Variants in TRIL observed in about 807,000 individuals in gnomAD.
TRIL encodes TLR4 interactor with leucine rich repeats.
In TRIL, 23 loss-of-function variants were observed where a neutral mutation model predicts 43.0. That is an observed-to-expected ratio of 0.54 (90% CI 0.39 to 0.76). The LOEUF is 0.76. Ranked by LOEUF, TRIL falls within the 30% of genes least tolerant of loss-of-function variation. The probability of loss-of-function intolerance (pLI) is 0.00; values close to 1 mark genes in which losing one functional copy is unlikely to be tolerated. For missense variants in TRIL, 1,114 were observed against 1,139.3 expected, an observed-to-expected ratio of 0.98 and a Z score of 0.32; for synonymous variants, 602 against 556.8, an observed-to-expected ratio of 1.08 and a Z score of -1.14.
rs1408308953 is a variant in TRIL at position 28,954,303 on chromosome 7, T to C, written c.*1308A>G. The C allele has an allele frequency of 6.6e-6, 1 of 152,612 alleles. No individual in the cohort carries two copies. The highest frequency in any genetic ancestry group is 2.4e-5 in the African/African-American group (1 of 41,446). 9.5% of individuals were successfully genotyped at this position (152,612 alleles called of 1,614,324 possible). On this transcript the variant is annotated 3_prime_UTR_variant, in exon 1 of 1. Coordinates refer to ENST00000539664, the MANE Select transcript of TRIL (RefSeq NM_014817.4). The stretch of plus-strand genomic sequence containing the variant: ...AAACATTTAAAAGAAATACTGCAAC[T>C]ATTAACTAAAAGATAAGATTTAATA...
chr7:28,956,881 T>C lies in TRIL; in HGVS notation c.1166A>G (p.Gln389Arg). Residue 389 changes from glutamine to arginine, a missense_variant, in exon 1 of 1, where the codon CAG becomes CGG. Gln to Arg is a conservative substitution (Grantham distance 43). Coordinates refer to ENST00000539664, the MANE Select transcript of TRIL (RefSeq NM_014817.4). ...SQGRLLTVFV[Q>R]CRHPPALRGK... Reference sequence around the variant, plus strand: ...TCGCAGGGCCGGGGGGTGGCGACACTGCACGAAGACAGTGAGGAGCCGGCC... The same window carrying C: ...TCGCAGGGCCGGGGGGTGGCGACACCGCACGAAGACAGTGAGGAGCCGGCC... 1 of 1,609,252 alleles carries C rather than the reference T, an allele frequency of 6.2e-7. No homozygotes were observed. Among genetic ancestry groups the C allele is most frequent in the African/African-American group, 1.3e-5 (1 of 74,952 alleles).
At position 28,957,651 on chromosome 7, in the gene TRIL, C is replaced by G; in HGVS notation, c.396G>C (p.Lys132Asn). The G allele has an allele frequency of 6.2e-7, 1 of 1,609,996 alleles. No individual in the cohort carries two copies. Among genetic ancestry groups the G allele is most frequent in the Non-Finnish European group, 8.5e-7 (1 of 1,178,338 alleles). Reference sequence around the variant, plus strand: ...TCCCGTTGGCGTAGAGGATGCGCAGCTTGCGCAGCGGGGCCAGCGTGCCCG... The same window carrying G: ...TCCCGTTGGCGTAGAGGATGCGCAGGTTGCGCAGCGGGGCCAGCGTGCCCG... ...LAPGTLAPLR[K>N]LRILYANGNE... The change falls in exon 1 of 1, where the codon AAG (lysine) becomes AAC (asparagine). Residue 132 changes from lysine (K) to asparagine (N), a missense_variant. Coordinates refer to ENST00000539664, the MANE Select transcript of TRIL (RefSeq NM_014817.4).
rs1236699915 is a variant in TRIL, at chr7:28,956,716, G to A, written c.1331C>T (p.Ala444Val). ...CGGCGGCAGCTCCTCCGCGAGACCT[G>A]CAGGTGGCGTCATCTCCTCCCCTGC... is the stretch of plus-strand genomic sequence containing the variant. ...TAAGEEMTPPAGLAEELPPQP... is the reference protein window; with the variant it reads ...TAAGEEMTPPVGLAEELPPQP... The change falls in exon 1 of 1, where the codon GCA (alanine) becomes GTA (valine). Residue 444 changes from alanine to valine, a missense_variant. Coordinates refer to ENST00000539664, the MANE Select transcript of TRIL (RefSeq NM_014817.4). 6.2e-7 allele frequency: 1 copy of A among 1,600,392 alleles called. No individual in the cohort carries two copies.
In TRIL at chr7:28,955,496, C is replaced by A; in HGVS notation, c.*115G>T. On this transcript the variant is annotated 3_prime_UTR_variant, in exon 1 of 1. Transcript: ENST00000539664. ...ATGGTGCCCGAATTGGCCCTCTGTCCCCACCGGCCTCTCTGGCAAGTGCAC... is the reference window on the plus strand; with the variant it reads ...ATGGTGCCCGAATTGGCCCTCTGTCACCACCGGCCTCTCTGGCAAGTGCAC... 7.2e-7 allele frequency: 1 copy of A among 1,394,456 alleles called. No individual in the cohort carries two copies. The highest frequency in any genetic ancestry group is 9.4e-7 in the Non-Finnish European group (1 of 1,063,784). 86.4% of individuals were successfully genotyped at this position (1,394,456 alleles called of 1,614,324 possible).
Position 28,956,254 on chromosome 7 carries a change from T to C in TRIL, c.1793A>G (p.Asp598Gly). ...CACGGCCCAGCGCACCGAGGCGCTG[T>C]CTGCGCCCACCGCCTCCACCGTCAG... The part of the protein sequence containing the change: ...CNLTVEAVGA[D>G]SASVRWAVRE... Residue 598 changes from aspartate (D) to glycine (G), a missense_variant, in exon 1 of 1, where the codon GAC (aspartate) becomes GGC (glycine). Physicochemically the swap from Asp to Gly is moderately conservative, Grantham distance 94. Transcript: ENST00000539664. 1 of 1,547,626 alleles carries C rather than the reference T, an allele frequency of 6.5e-7. No individual in the cohort carries two copies. The highest frequency in any genetic ancestry group is 8.7e-7 in the Non-Finnish European group (1 of 1,149,520).
Position 28,955,551 on chromosome 7 carries a change from TGGGCCTCACGGAGAGGC to T in TRIL, c.*43_*59del. ...CGGCACTTCCCCTGAGGTGGGCTGG[TGGGCCTCACGGAGAGGC>T]GGCTCCTTAGGGCCAATGAGATGGT... On this transcript the variant is annotated 3_prime_UTR_variant, in exon 1 of 1. Transcript: ENST00000539664. The T allele has an allele frequency of 1.4e-6, 2 of 1,449,144 alleles. No homozygotes were observed. The highest frequency in any genetic ancestry group is 1.8e-6 in the Non-Finnish European group (2 of 1,102,082). The allele number at this position is 1,449,144 out of a possible 1,614,324, so 89.8% of individuals were successfully genotyped here.
Position 28,954,981 on chromosome 7 carries a change from A to AG in TRIL, c.*629dup, listed in dbSNP as rs1783374357. The AG allele has an allele frequency of 4.0e-5, 6 of 151,484 alleles. No individual in the cohort carries two copies. In the Admixed American group the frequency reaches 4.0e-4, roughly 10 times the overall value. 9.4% of individuals were successfully genotyped at this position (151,484 alleles called of 1,614,324 possible). A position where few individuals can be genotyped will look rare whatever the true frequency, so the allele number is the denominator to read the frequency against. Reference sequence around the variant, plus strand: ...AAAACAGTCCTTGAGTCTATTGGTCAGTTCGTTAAATGTCAGAGCTTTTCA... The same window carrying AG: ...AAAACAGTCCTTGAGTCTATTGGTCAGGTTCGTTAAATGTCAGAGCTTTTCA... On this transcript the variant is annotated 3_prime_UTR_variant, in exon 1 of 1. Transcript: ENST00000539664.
At position 28,957,351 on chromosome 7, in the gene TRIL, G is replaced by A. The variant is rs779072215; in HGVS notation, c.696C>T (p.Ser232=). 6.2e-7 allele frequency: 1 copy of A among 1,612,544 alleles called. No homozygotes were observed. The highest frequency in any genetic ancestry group is 1.1e-5 in the South Asian group (1 of 91,052). ...GGTTGTTGGCCGAGAGGATGAGGGAGGAGAGGGAGCGCAGCGGTGCGAAGG... is the reference window on the plus strand; with the variant it reads ...GGTTGTTGGCCGAGAGGATGAGGGAAGAGAGGGAGCGCAGCGGTGCGAAGG... ...AATFAPLRSL[S]SLILSANNLQ... is the part of the protein sequence containing the mutation. The change falls in exon 1 of 1, where the codon TCC becomes TCT. Residue 232 remains serine, a synonymous_variant. Transcript: ENST00000539664.
In TRIL at chr7:28,955,890, A is replaced by G. The variant is rs991667767; in HGVS notation, c.2157T>C (p.Ser719=). ...LVLLALAAWA[S]RWLRRKLRAR... is the part of the protein sequence containing the mutation. The stretch of plus-strand genomic sequence containing the variant: ...CCCGCAGTTTCCTACGCAGCCAGCG[A>G]GACGCCCAGGCCGCCAAGGCCAGGA... Residue 719 remains serine (S), a synonymous_variant, in exon 1 of 1, where the codon TCT becomes TCC. Coordinates refer to ENST00000539664, the MANE Select transcript of TRIL (RefSeq NM_014817.4). The G allele has an allele frequency of 6.4e-7, 1 of 1,550,624 alleles. No homozygotes were observed. The highest frequency in any genetic ancestry group is 1.4e-5 in the African/African-American group (1 of 73,138).
rs780939105 is a variant in TRIL at position 28,956,352 on chromosome 7, C to T, written c.1695G>A (p.Gln565=). The T allele has an allele frequency of 1.4e-5, 21 of 1,530,122 alleles. No individual in the cohort carries two copies. Among genetic ancestry groups the T allele is most frequent in the Non-Finnish European group, 6.1e-6 (7 of 1,144,296 alleles). 94.8% of individuals were successfully genotyped at this position (1,530,122 alleles called of 1,614,324 possible). A position where few individuals can be genotyped will look rare whatever the true frequency, so the allele number is the denominator to read the frequency against. ...LGTEHQERAA[Q]SDGGAGLPPL... ...GCGGCAGCCCGGCCCCACCGTCGGACTGGGCGGCACGCTCCTGGTGCTCCG... is the reference window on the plus strand; with the variant it reads ...GCGGCAGCCCGGCCCCACCGTCGGATTGGGCGGCACGCTCCTGGTGCTCCG... The change falls in exon 1 of 1, where the codon CAG becomes CAA. Residue 565 remains glutamine, a synonymous_variant. Coordinates refer to ENST00000539664, the MANE Select transcript of TRIL (RefSeq NM_014817.4).
chr7:28,956,377 G>A lies in TRIL; in HGVS notation c.1670C>T (p.Thr557Met), dbSNP rs915217483. The change falls in exon 1 of 1, where the codon ACG (threonine) becomes ATG (methionine). Residue 557 changes from threonine to methionine, a missense_variant. Thr to Met is a moderately conservative substitution (Grantham distance 81). Transcript: ENST00000539664. ...WQRATKHRLGTEHQERAAQSD... is the reference protein window; with the variant it reads ...WQRATKHRLGMEHQERAAQSD... ...CTGGGCGGCACGCTCCTGGTGCTCC[G>A]TGCCCAGACGATGCTTCGTCGCGCG... 2.6e-6 allele frequency: 4 copies of A among 1,534,640 alleles called. No individual in the cohort carries two copies. Among genetic ancestry groups the A allele is most frequent in the South Asian group, 2.4e-5 (2 of 83,712 alleles).
At position 28,954,441 on chromosome 7, in the gene TRIL, TG is replaced by T. The variant is rs1783366121; in HGVS notation, c.*1169del. Reference sequence around the variant, plus strand: ...TGGTTTTAGTAGAACAGATACCCACTGGTGTATTTTTTTCACATTTGTTTTC... The same window carrying T: ...TGGTTTTAGTAGAACAGATACCCACTGTGTATTTTTTTCACATTTGTTTTC... On this transcript the variant is annotated 3_prime_UTR_variant, in exon 1 of 1. Coordinates refer to ENST00000539664, the MANE Select transcript of TRIL (RefSeq NM_014817.4). 6.5e-6 allele frequency: 1 copy of T among 152,688 alleles called. No individual in the cohort carries two copies. The highest frequency in any genetic ancestry group is 1.5e-5 in the Non-Finnish European group (1 of 68,040). The allele number at this position is 152,688 out of a possible 1,614,324, so 9.5% of individuals were successfully genotyped here. A position where few individuals can be genotyped will look rare whatever the true frequency, so the allele number is the denominator to read the frequency against.
At position 28,958,240 on chromosome 7, in the gene TRIL, T is replaced by C; in HGVS notation, c.-194A>G. On this transcript the variant is annotated 5_prime_UTR_variant, in exon 1 of 1. It removes the in-frame stop codon of an upstream open reading frame in the 5' UTR. Transcript: ENST00000539664. ...TGCAGGCGGGCTTCGCCCGGCCAAG[T>C]CAGGCGGCGCGGGGCGCTCTGCAGA... 1 of 742,060 alleles carries C rather than the reference T, an allele frequency of 1.3e-6. No homozygotes were observed. Among genetic ancestry groups the C allele is most frequent in the Non-Finnish European group, 2.0e-6 (1 of 488,246 alleles). The allele number at this position is 742,060 out of a possible 1,614,324, so 46.0% of individuals were successfully genotyped here. A position where few individuals can be genotyped will look rare whatever the true frequency, so the allele number is the denominator to read the frequency against.
In TRIL at chr7:28,957,830, T is replaced by G. The variant is rs1177304057; in HGVS notation, c.217A>C (p.Asn73His). ...CGGTGGAAGTCGAAGGCCGTGATGT[T>G]GGTTATGAAGTTGCCGCCGAGGCTG... is the stretch of plus-strand genomic sequence containing the variant. ...TYSLGGNFIT[N>H]ITAFDFHRLG... is the part of the protein sequence containing the mutation. Residue 73 changes from asparagine (N) to histidine (H), a missense_variant, in exon 1 of 1, where the codon AAC (asparagine) becomes CAC (histidine). By Grantham distance (68) the Asn-to-His change is moderately conservative. Transcript: ENST00000539664. 6.2e-7 allele frequency: 1 copy of G among 1,613,684 alleles called. No homozygotes were observed. Among genetic ancestry groups the G allele is most frequent in the Non-Finnish European group, 8.5e-7 (1 of 1,179,768 alleles).
rs756930166 is a variant in TRIL at position 28,957,833 on chromosome 7, T to C, written c.214A>G (p.Thr72Ala). The C allele has an allele frequency of 1.7e-5, 28 of 1,613,750 alleles. No individual in the cohort carries two copies. Among genetic ancestry groups the C allele is most frequent in the African/African-American group, 2.7e-5 (2 of 74,936 alleles). The change falls in exon 1 of 1, where the codon ACC (threonine) becomes GCC (alanine). Residue 72 changes from threonine (T) to alanine (A), a missense_variant. Transcript: ENST00000539664. Reference protein sequence around the residue: ...LTYSLGGNFITNITAFDFHRL... With the variant: ...LTYSLGGNFIANITAFDFHRL... ...TGGAAGTCGAAGGCCGTGATGTTGGTTATGAAGTTGCCGCCGAGGCTGTAG... is the reference window on the plus strand; with the variant it reads ...TGGAAGTCGAAGGCCGTGATGTTGGCTATGAAGTTGCCGCCGAGGCTGTAG...
chr7:28,955,829 G>A lies in TRIL; in HGVS notation c.2218C>T (p.His740Tyr). Residue 740 changes from histidine (H) to tyrosine (Y), a missense_variant, in exon 1 of 1, where the codon CAC (histidine) becomes TAC (tyrosine). His to Tyr is a moderately conservative substitution (Grantham distance 83). Transcript: ENST00000539664. Reference sequence around the variant, plus strand: ...AGGGGCCGTCGGGTGGAGTACATGTGCCGAACGTGGACCGGGGCCCCGCCC... The same window carrying A: ...AGGGGCCGTCGGGTGGAGTACATGTACCGAACGTGGACCGGGGCCCCGCCC... Reference protein sequence around the residue: ...RKGGAPVHVRHMYSTRRPLRS... With the variant: ...RKGGAPVHVRYMYSTRRPLRS... 1 of 1,549,860 alleles carries A rather than the reference G, an allele frequency of 6.5e-7. No individual in the cohort carries two copies. Among genetic ancestry groups the A allele is most frequent in the Non-Finnish European group, 8.7e-7 (1 of 1,146,750 alleles).
rs1783380969 is a variant in TRIL, at chr7:28,955,375, C to T, written c.*236G>A. ...GCTGTGTCAAAGCCTCCAAGCGAAGCCTCCGACCTCAGCATCCCACCATCC... is the reference window on the plus strand; with the variant it reads ...GCTGTGTCAAAGCCTCCAAGCGAAGTCTCCGACCTCAGCATCCCACCATCC... On this transcript the variant is annotated 3_prime_UTR_variant, in exon 1 of 1. Transcript: ENST00000539664. 3.4e-6 allele frequency: 2 copies of T among 586,744 alleles called. No individual in the cohort carries two copies. The highest frequency in any genetic ancestry group is 4.5e-4 in the Middle Eastern group (1 of 2,208). The allele number at this position is 586,744 out of a possible 1,614,324, so 36.3% of individuals were successfully genotyped here.
chr7:28,955,854 C>T lies in TRIL; in HGVS notation c.2193G>A (p.Lys731=), dbSNP rs986235027. The T allele has an allele frequency of 3.9e-6, 6 of 1,549,802 alleles. No homozygotes were observed. The African/African-American group carries it at 8.2e-5, about 21-fold the overall frequency. Residue 731 remains lysine, a synonymous_variant, in exon 1 of 1, where the codon AAG becomes AAA. Coordinates refer to ENST00000539664, the MANE Select transcript of TRIL (RefSeq NM_014817.4). ...WLRRKLRARR[K]GGAPVHVRHM... ...GCCGAACGTGGACCGGGGCCCCGCCCTTCCGCCTAGCCCGCAGTTTCCTAC... is the reference window on the plus strand; with the variant it reads ...GCCGAACGTGGACCGGGGCCCCGCCTTTCCGCCTAGCCCGCAGTTTCCTAC...
At position 28,956,310 on chromosome 7, in the gene TRIL, T is replaced by C. The variant is rs1783401916; in HGVS notation, c.1737A>G (p.Pro579=). 1.9e-6 allele frequency: 3 copies of C among 1,542,210 alleles called. No individual in the cohort carries two copies. Among genetic ancestry groups the C allele is most frequent in the Non-Finnish European group, 2.6e-6 (3 of 1,150,460 alleles). ...ACAGAATGAACTTGTTGAAGTCGCA[T>C]GGGTCGGACACCAGCGGCGGCAGCC... is the stretch of plus-strand genomic sequence containing the variant. ...GAGLPPLVSD[P]CDFNKFILCN... is the part of the protein sequence containing the mutation. The change falls in exon 1 of 1, where the codon CCA becomes CCG. Residue 579 remains proline (P), a synonymous_variant. Coordinates refer to ENST00000539664, the MANE Select transcript of TRIL (RefSeq NM_014817.4).
Sources: allele counts gnomAD v4.1 joint callset, GRCh38; gene constraint gnomAD v4.1.1; transcripts MANE v1.5; gene names NCBI Gene and HGNC (gene_info 2026-07-23, HGNC 2026-07-21).